The following ARHGEF26 variants were observed in gnomAD, a reference collection of about 807,000 sequenced individuals.
ARHGEF26 encodes Rho guanine nucleotide exchange factor 26.
Under a neutral mutation model 89.4 loss-of-function variants are expected in ARHGEF26, and 59 were observed. The ratio of observed to expected loss-of-function variants is 0.66; its 90% CI spans 0.54 to 0.82. The LOEUF (loss-of-function observed/expected upper bound fraction) is 0.82. ARHGEF26 is among the 40% of genes least tolerant of loss of function. ARHGEF26 has a pLI of 0.00. For synonymous variants in ARHGEF26, 500 were observed against 428.4 expected (o/e 1.17, Z -2.06); for missense variants, 1,234 against 1,085.6 (o/e 1.14, Z -1.92).
intron 11 of ARHGEF26, among the ~76,000 whole-genome samples, chr3:154,235,758 A>G (rs1717087042): frequency 6.6e-6 from 1 of 151,256 alleles, no homozygotes; most frequent in African/African-American, 2.4e-5. Flanking sequence ...CTTTTTAAAC[A>G]AAAAAAAATA....
intron 11 of ARHGEF26, among the ~76,000 whole-genome samples, chr3:154,239,374 C>T (rs1272406258): frequency 1.4e-5 from 2 of 142,228 alleles, no homozygotes; most frequent in Non-Finnish European, 3.0e-5. Context: ...AGACAGAGAG[C>T]CAGCAGTGAA....
chr3:154,252,454 G>A (rs1311239476), intron 12 of ARHGEF26, among the ~76,000 whole-genome samples: 5 of 152,126 alleles, frequency 3.3e-5, no homozygotes, highest in Non-Finnish European at 5.9e-5. Flanking sequence ...GTAGAGAAGT[G>A]CTTGCTTATC....
At chr3:154,154,733 A>C (rs779378719) in intron 6 of ARHGEF26, among the ~76,000 whole-genome samples, 31 of 151,924 alleles carry the variant, frequency 2.0e-4, no homozygotes, top group Non-Finnish European at 3.5e-4. Flanking sequence ...ATTAGAGGTT[A>C]CTCCATAGTA....
At chr3:154,166,480 A>G (rs189725799) in intron 6 of ARHGEF26, among the ~76,000 whole-genome samples, 25 of 152,340 alleles carry the variant, frequency 1.6e-4, no homozygotes, top group East Asian at 1.2e-3. Flanking sequence ...CAGATGGAGC[A>G]GAAAGCTTTA....
chr3:154,203,590 C>T (rs745844319), intron 9 of ARHGEF26, among the ~76,000 whole-genome samples: 2 of 152,078 alleles, frequency 1.3e-5, no homozygotes, highest in Non-Finnish European at 2.9e-5. Flanking sequence ...TTTCAGTTTT[C>T]TCCATTCAGT....
intron 3 of ARHGEF26, among the ~76,000 whole-genome samples, chr3:154,128,411 G>A (rs115843880): frequency 0.012 from 1,791 of 152,180 alleles, 39 homozygotes; most frequent in African/African-American, 0.041. Context: ...CTAATTTGTT[G>A]TATTTTTGAT....
At position 154,122,246 on chromosome 3, in the gene ARHGEF26, G is replaced by A; in HGVS notation, c.254G>A (p.Gly85Asp). Residue 85 changes from glycine (G) to aspartate (D), a missense_variant, in exon 2 of 15, where the codon GGC becomes GAC. Gly to Asp is a moderately conservative substitution (Grantham distance 94). Transcript: ENST00000465093. ...RTVHRSPLLLGAQRRAVANGG... is the reference protein window; with the variant it reads ...RTVHRSPLLLDAQRRAVANGG... ...GTACATAGGAGCCCCCTGCTTCTGG[G>A]CGCCCAGCGGAGAGCGGTGGCCAAT... is the stretch of plus-strand genomic sequence containing the variant. 1 of 1,611,314 alleles carries A rather than the reference G, an allele frequency of 6.2e-7. No individual in the cohort carries two copies. The highest frequency in any genetic ancestry group is 8.5e-7 in the Non-Finnish European group (1 of 1,179,174).
At position 154,138,680 on chromosome 3, in the gene ARHGEF26, G is replaced by A. The variant is rs558666809; in HGVS notation, c.1269+8961G>A. 1.6e-4 allele frequency among the ~76,000 whole-genome samples: 25 copies of A among 152,308 alleles called. 1 individual carries two copies. Among genetic ancestry groups the A allele is most frequent in the African/African-American group, 5.8e-4 (24 of 41,592 alleles). On this transcript the variant is annotated intron_variant, in intron 4 of 14. Transcript: ENST00000465093. ...AATTGTTATGGGCATAACTACAAAG[G>A]CAGATGTTTCAACTACAAACCTACA...
intron 11 of ARHGEF26, among the ~76,000 whole-genome samples, chr3:154,239,926 C>A (rs1717386313): frequency 6.6e-6 from 1 of 151,662 alleles, no homozygotes; most frequent in Non-Finnish European, 1.5e-5. Flanking sequence ...CTCTGGGGCT[C>A]TTCTCTTCAA....
intron 7 of ARHGEF26, among the ~76,000 whole-genome samples, chr3:154,190,888 A>G (rs1160236376): frequency 1.3e-5 from 2 of 152,178 alleles, no homozygotes; most frequent in South Asian, 4.1e-4. Context: ...GGCTTAAAAC[A>G]TATTATTTAT....
intron 9 of ARHGEF26, among the ~76,000 whole-genome samples, chr3:154,212,006 T>C (rs1657621): frequency 0.9 from 137,206 of 152,122 alleles, 62,039 homozygotes; most frequent in East Asian, 1. Flanking sequence ...AGTACAGCTC[T>C]GTAAGAACGT....
At chr3:154,233,901 T>G (rs1716958199) in intron 11 of ARHGEF26, among the ~76,000 whole-genome samples, 1 of 152,172 alleles carries the variant, frequency 6.6e-6, no homozygotes, top group African/African-American at 2.4e-5. Flanking sequence ...AATATTTTTT[T>G]CGGGACAGAA....
chr3:154,139,448 T>C (rs1351554886), intron 4 of ARHGEF26, among the ~76,000 whole-genome samples: 2 of 152,240 alleles, frequency 1.3e-5, no homozygotes, highest in Non-Finnish European at 2.9e-5. Flanking sequence ...AAGGGATACA[T>C]TCAAGAATAA....
intron 12 of ARHGEF26, among the ~76,000 whole-genome samples, chr3:154,243,405 T>G (rs1411498042): frequency 6.6e-6 from 1 of 152,224 alleles, no homozygotes; most frequent in Non-Finnish European, 1.5e-5. Flanking sequence ...ATTCATAATT[T>G]ATGTAGTCTC....
At chr3:154,245,996 G>A (rs902928091) in intron 12 of ARHGEF26, among the ~76,000 whole-genome samples, 1 of 152,182 alleles carries the variant, frequency 6.6e-6, no homozygotes, top group Non-Finnish European at 1.5e-5. Context: ...GGTCTGCAAT[G>A]AGCTAGGATG....
chr3:154,161,859 A>G (rs145420395), intron 6 of ARHGEF26, among the ~76,000 whole-genome samples: 2 of 152,300 alleles, frequency 1.3e-5, no homozygotes, highest in African/African-American at 2.4e-5. Flanking sequence ...TCCTTGAATC[A>G]GTGCTTCAGA....
chr3:154,166,502 C>G (rs1054436693), intron 6 of ARHGEF26, among the ~76,000 whole-genome samples: 3 of 152,120 alleles, frequency 2.0e-5, no homozygotes, highest in East Asian at 1.9e-4. Context: ...AAAGAAGCTG[C>G]CTTTTCCTTT....
chr3:154,141,049 C>T (rs1719345635), intron 4 of ARHGEF26, among the ~76,000 whole-genome samples: 1 of 151,834 alleles, frequency 6.6e-6, no homozygotes, highest in Non-Finnish European at 1.5e-5. Context: ...GCCAGCTCCG[C>T]CTCCTGGGTT....
intron 11 of ARHGEF26, among the ~76,000 whole-genome samples, chr3:154,232,842 C>CTT (rs373406180): frequency 7.0e-6 from 1 of 143,778 alleles, no homozygotes. Flanking sequence ...TTCTTTCTTT[C>CTT]TTTTTTTTTT....
Sources: allele counts gnomAD v4.1 joint callset (sites outside exome capture counted in the v4.1 genomes callset), GRCh38; gene constraint gnomAD v4.1.1; transcripts MANE v1.5; gene names NCBI Gene and HGNC (gene_info 2026-07-23, HGNC 2026-07-21).